The following MTMR14 variants were observed in gnomAD, a reference collection of about 807,000 sequenced individuals.
MTMR14 encodes myotubularin related protein 14.
In MTMR14, 48 loss-of-function variants were observed where a neutral mutation model predicts 86.3. The observed-to-expected ratio is 0.56, with a 90% confidence interval of 0.44 to 0.71. The LOEUF (loss-of-function observed/expected upper bound fraction) is 0.71. MTMR14 is among the 30% of genes least tolerant of loss of function. The pLI, the probability that MTMR14 is intolerant of heterozygous loss-of-function variation, is 0.00. For missense variants in MTMR14, 780 were observed against 834.6 expected, an observed-to-expected ratio of 0.93 and a Z score of 0.81; for synonymous variants, 366 against 326.1, an observed-to-expected ratio of 1.12 and a Z score of -1.32.
chr3:9,691,460 C>G (rs2076138331), intron 17 of MTMR14, among the ~76,000 whole-genome samples: 1 of 152,230 alleles, frequency 6.6e-6, no homozygotes, highest in Admixed American at 6.5e-5. Context: ...TAGGCTGTGG[C>G]TCTAGGTCAT....
At chr3:9,684,452 T>A in intron 10 of MTMR14, 133 bp from the exon 11 acceptor site, 1 of 827,682 alleles carries the variant, frequency 1.2e-6, no homozygotes, top group South Asian at 1.3e-5. Context: ...AGAAGAGCCA[T>A]GGGGAGGCCA....
intron 17 of MTMR14, among the ~76,000 whole-genome samples, chr3:9,694,675 T>A (rs760315155): frequency 4.6e-5 from 7 of 152,232 alleles, no homozygotes; most frequent in Non-Finnish European, 1.0e-4. Context: ...GTCATGGCAC[T>A]AGGCAGCTGC....
At chr3:9,653,246 A>G (rs927756219) in intron 1 of MTMR14, among the ~76,000 whole-genome samples, 8 of 152,318 alleles carry the variant, frequency 5.3e-5, no homozygotes, top group African/African-American at 1.7e-4. Flanking sequence ...AAAAATAAAT[A>G]AGAGAATGGG....
chr3:9,658,799 A>C (rs1433482581), intron 2 of MTMR14, among the ~76,000 whole-genome samples: 1 of 152,242 alleles, frequency 6.6e-6, no homozygotes, highest in Non-Finnish European at 1.5e-5. Flanking sequence ...GTTGTGGGGT[A>C]CATTATAGGA....
chr3:9,701,761 CTT>C lies in MTMR14; in HGVS notation c.1770-27_1770-26del. 1 of 1,612,472 alleles carries C rather than the reference CTT, an allele frequency of 6.2e-7. No individual in the cohort carries two copies. The highest frequency in any genetic ancestry group is 2.2e-5 in the East Asian group (1 of 44,880). ...ACTGGGTCCTGTCCCAGGGTAATGT[CTT>C]TGTTCTTTCTCTTGACCTCCCCATA... On this transcript the variant is annotated intron_variant, in intron 18 of 18. Transcript: ENST00000296003. The surrounding 1 kb of genome is among the most constrained non-coding windows in gnomAD (Gnocchi z 4.2).
chr3:9,679,481 A>G (rs1243819710), intron 9 of MTMR14, among the ~76,000 whole-genome samples: 3 of 152,130 alleles, frequency 2.0e-5, no homozygotes, highest in Non-Finnish European at 4.4e-5. Context: ...TACAAACTGG[A>G]TCTGATGAAC....
rs1483614090 is a variant in MTMR14 at position 9,684,605 on chromosome 3, C to T, written c.985C>T (p.His329Tyr). ...NSDDDSGLLV[H>Y]CISGWDRTPL... is the part of the protein sequence containing the mutation. ...AGTAGATGACAGCGGGCTGCTGGTA[C>T]ACTGTATCTCAGGCTGGGATCGGAC... The change falls in exon 11 of 19, where the codon CAC becomes TAC. Residue 329 changes from histidine to tyrosine, a missense_variant. Transcript: ENST00000296003. The T allele has an allele frequency of 1.3e-5, 21 of 1,614,044 alleles. No homozygotes were observed.
At chr3:9,664,978 G>A (rs946312917) in intron 3 of MTMR14, among the ~76,000 whole-genome samples, 5 of 152,244 alleles carry the variant, frequency 3.3e-5, no homozygotes, top group South Asian at 2.1e-4. Flanking sequence ...ATTGTTATGC[G>A]TGGTATGCCT....
chr3:9,662,888 T>A (rs2048020537), intron 3 of MTMR14, among the ~76,000 whole-genome samples: 2 of 152,234 alleles, frequency 1.3e-5, no homozygotes, highest in South Asian at 4.1e-4. Flanking sequence ...TTTTGTTAAT[T>A]TAATTTGGCT....
rs369794179 is a variant in MTMR14, at chr3:9,684,905, G to A, written c.1068G>A (p.Thr356=). The A allele has an allele frequency of 4.0e-5, 65 of 1,613,968 alleles. No individual in the cohort carries two copies. The Admixed American group carries it at 7.5e-4, about 19-fold the overall frequency. The change falls in exon 12 of 19, where the codon ACG becomes ACA. Residue 356 remains threonine (T), a synonymous_variant. Transcript: ENST00000296003. ...TCTTCCAGGATGGGCTCATCCACAC[G>A]TCCCTGAAGCCCACTGAGATCCTCT... ...LSLWADGLIH[T]SLKPTEILYL...
intron 14 of MTMR14, among the ~76,000 whole-genome samples, chr3:9,688,202 G>T (rs567792771): frequency 9.2e-5 from 14 of 152,314 alleles, no homozygotes; most frequent in African/African-American, 2.4e-4. Flanking sequence ...GCCAGCCCAG[G>T]AGTAGGAGGA....
chr3:9,656,067 C>T (rs866913950), intron 2 of MTMR14, among the ~76,000 whole-genome samples: 3 of 151,958 alleles, frequency 2.0e-5, no homozygotes, highest in South Asian at 2.1e-4. Context: ...TGGTGGCGCA[C>T]GCCTGTAATC....
chr3:9,671,452 ATC>A (rs1387633898), intron 6 of MTMR14, among the ~76,000 whole-genome samples: 1 of 151,688 alleles, frequency 6.6e-6, no homozygotes, highest in African/African-American at 2.4e-5. Context: ...TCTCTTACAT[ATC>A]TCTGTATTTT....
Position 9,688,936 on chromosome 3 carries a change from T to G in MTMR14, c.1295-8T>G. 6.2e-7 allele frequency: 1 copy of G among 1,613,178 alleles called. No individual in the cohort carries two copies. The highest frequency in any genetic ancestry group is 8.5e-7 in the Non-Finnish European group (1 of 1,179,228). On this transcript the variant is annotated splice_region_variant and splice_polypyrimidine_tract_variant and intron_variant, in intron 15 of 18. Transcript: ENST00000296003. ...AACACGCTGACTGATGGCACTGGCT[T>G]CTTTTAGGACGAAAGGACCGTGGCA...
intron 9 of MTMR14, among the ~76,000 whole-genome samples, chr3:9,678,463 T>C (rs1309486575): frequency 6.6e-6 from 1 of 152,236 alleles, no homozygotes; most frequent in Non-Finnish European, 1.5e-5. Context: ...ACTTCCACCA[T>C]GCTCTTCTCC....
intron 7 of MTMR14, chr3:9,675,774 C>G (rs1377239349): frequency 8.9e-6 from 4 of 448,330 alleles, no homozygotes; most frequent in African/African-American, 8.0e-5. Flanking sequence ...AGCCTGAGGC[C>G]TGCAGTGTTG....
Position 9,649,612 on chromosome 3 carries a change from C to T in MTMR14, c.29C>T (p.Ala10Val). 1.7e-5 allele frequency: 27 copies of T among 1,550,378 alleles called. No homozygotes were observed. The highest frequency in any genetic ancestry group is 2.4e-5 in the Non-Finnish European group (27 of 1,147,894). Residue 10 changes from alanine to valine, a missense_variant, in exon 1 of 19, where the codon GCT becomes GTT. Ala to Val is a moderately conservative substitution (Grantham distance 64, BLOSUM62 0). Transcript: ENST00000296003. The stretch of plus-strand genomic sequence containing the variant: ...GCCGGCGCTCGGGCCGCCGCCGCCG[C>T]TGCCTCGGCGGGGTCCTCGGCCTCT... MAGARAAAAAASAGSSASSG... is the reference protein window; with the variant it reads MAGARAAAAVASAGSSASSG...
intron 13 of MTMR14, among the ~76,000 whole-genome samples, chr3:9,687,071 A>T (rs1024015510): frequency 8.5e-5 from 13 of 152,108 alleles, no homozygotes; most frequent in Non-Finnish European, 1.5e-4. Flanking sequence ...AAAAAATGTG[A>T]TTCCTTTCCT....
chr3:9,667,877 C>T (rs1426561221), intron 3 of MTMR14, among the ~76,000 whole-genome samples: 1 of 152,144 alleles, frequency 6.6e-6, no homozygotes, highest in Non-Finnish European at 1.5e-5. Flanking sequence ...ATTGTGTTAC[C>T]CATTCAGCAG....
Sources: gnomAD v4.1 joint callset for allele counts (sites outside exome capture counted in the v4.1 genomes callset) on GRCh38, gnomAD v4.1.1 for gene constraint, Gnocchi (gnomAD v3.1) non-coding constraint, MANE v1.5 for transcripts, NCBI Gene and HGNC (gene_info 2026-07-23, HGNC 2026-07-21) for gene names.